The following SEC16A variants were observed in gnomAD, a reference collection of about 807,000 sequenced individuals.
SEC16A encodes the protein SEC16 homolog A, endoplasmic reticulum export factor.
In SEC16A, 110 loss-of-function variants were observed where a neutral mutation model predicts 221.9. That is an observed-to-expected ratio of 0.50 (90% CI 0.42 to 0.58). The LOEUF (loss-of-function observed/expected upper bound fraction) is 0.58, where lower values mean the gene tolerates loss of function less well. SEC16A is among the 20% of genes least tolerant of loss of function. The probability of loss-of-function intolerance (pLI) is 0.00; values close to 1 mark genes in which losing one functional copy is unlikely to be tolerated. For missense variants in SEC16A, 3,165 were observed against 3,097.8 expected (o/e 1.02, Z -0.52); for synonymous variants, 1,393 against 1,257.7 (o/e 1.11, Z -2.28).
rs771472008 is a variant in SEC16A, at chr9:136,466,228, C to T, written c.4128+36G>A. 3 of 1,582,830 alleles carry T rather than the reference C, an allele frequency of 1.9e-6. No homozygotes were observed. In the East Asian group the frequency reaches 6.8e-5, roughly 36 times the overall value. ...GCAAACAGGATGGTGGTTCTAAACA[C>T]AACCGTCCGCGTGTCTGTGAGGCGC... On this transcript the variant is annotated intron_variant, in intron 7 of 31. Transcript: ENST00000684901. This position sits in a 1 kb window ranked among gnomAD's most constrained non-coding sequence, Gnocchi z 5.5.
chr9:136,469,156 A>G (rs1290354598), intron 4 of SEC16A, among the ~76,000 whole-genome samples: 1 of 152,174 alleles, frequency 6.6e-6, no homozygotes, highest in Non-Finnish European at 1.5e-5. Flanking sequence ...GGTCTCACTG[A>G]GCCATTCAAA....
chr9:136,453,517 A>G lies in SEC16A; in HGVS notation c.6077-7T>C. 2 of 1,609,996 alleles carry G rather than the reference A, an allele frequency of 1.2e-6. No individual in the cohort carries two copies. The highest frequency in any genetic ancestry group is 1.7e-6 in the Non-Finnish European group (2 of 1,176,520). ...GCCTCCTGCGGCACTATCCCTGTCA[A>G]CGGGAAAGAGAGCAACTATGATCTC... On this transcript the variant is annotated splice_polypyrimidine_tract_variant and splice_region_variant and intron_variant, in intron 21 of 31. Transcript: ENST00000684901.
chr9:136,454,073 G>A (rs1401429156), intron 21 of SEC16A, 36 bp downstream of exon 21: 1 of 1,518,832 alleles, frequency 6.6e-7, no homozygotes, highest in Non-Finnish European at 8.9e-7. Context: ...ACCCCATGCT[G>A]CTTCTGCTCT....
In SEC16A at chr9:136,453,442, T is replaced by C; in HGVS notation, c.6145A>G (p.Lys2049Glu). The C allele has an allele frequency of 1.2e-6, 2 of 1,613,082 alleles. No individual in the cohort carries two copies. The highest frequency in any genetic ancestry group is 2.7e-5 in the African/African-American group (2 of 75,038). The change falls in exon 22 of 32, where the codon AAA becomes GAA. Residue 2049 changes from lysine (K) to glutamate (E), a missense_variant. Transcript: ENST00000684901. Reference sequence around the variant, plus strand: ...TGACAAAGTACCAGATTAGCAAATTTTCCATCAAAATTTTCTTCGCTTAGC... The same window carrying C: ...TGACAAAGTACCAGATTAGCAAATTCTCCATCAAAATTTTCTTCGCTTAGC... ...SELSEENFDGKFANLTPSRTV... is the reference protein window; with the variant it reads ...SELSEENFDGEFANLTPSRTV...
chr9:136,484,415 G>A, upstream of SEC16A: 1 of 1,197,494 alleles, frequency 8.4e-7, no homozygotes. Flanking sequence ...CGGAGGAGCC[G>A]AGGGAGGCTG....
chr9:136,472,026 G>C lies in SEC16A; in HGVS notation c.3653C>G (p.Pro1218Arg), dbSNP rs1290723127. The C allele has an allele frequency of 2.5e-6, 4 of 1,612,310 alleles. No homozygotes were observed. The East Asian group carries it at 8.9e-5, about 36-fold the overall frequency. Residue 1218 changes from proline to arginine, a missense_variant, in exon 4 of 32, where the codon CCC (proline) becomes CGC (arginine). Coordinates refer to ENST00000684901, the MANE Select transcript of SEC16A (RefSeq NM_014866.2). Reference sequence around the variant, plus strand: ...GCTGGCTCGGGAGCTGGGCCGCTCGGGCTCGGGATAGCGGTAGTTCTGGGC... The same window carrying C: ...GCTGGCTCGGGAGCTGGGCCGCTCGCGCTCGGGATAGCGGTAGTTCTGGGC... ...AYAQNYRYPE[P>R]ERPSSRASHS...
In SEC16A at chr9:136,466,548, G is replaced by T; in HGVS notation, c.3930-86C>A. ...TGCCACGCAGCTGCCCAGGAGCTGAGACCGAGACCCCTGGGGCCGAGGCAC... is the reference window on the plus strand; with the variant it reads ...TGCCACGCAGCTGCCCAGGAGCTGATACCGAGACCCCTGGGGCCGAGGCAC... On this transcript the variant is annotated intron_variant, in intron 6 of 31. Coordinates refer to ENST00000684901, the MANE Select transcript of SEC16A (RefSeq NM_014866.2). This position sits in a 1 kb window ranked among gnomAD's most constrained non-coding sequence, Gnocchi z 5.5. The T allele has an allele frequency of 2.3e-6, 3 of 1,314,492 alleles. No individual in the cohort carries two copies. The highest frequency in any genetic ancestry group is 1.5e-5 in the South Asian group (1 of 68,226). 81.4% of individuals were successfully genotyped at this position (1,314,492 alleles called of 1,614,324 possible). A position where few individuals can be genotyped will look rare whatever the true frequency, so the allele number is the denominator to read the frequency against.
At chr9:136,458,622 G>A (rs1243485934) in intron 17 of SEC16A, among the ~76,000 whole-genome samples, 18 of 138,326 alleles carry the variant, frequency 1.3e-4, no homozygotes, top group African/African-American at 4.7e-4. Context: ...AGCGAGACTC[G>A]GTCTCAAAAA....
Position 136,445,658 on chromosome 9 carries a change from GA to G in SEC16A, c.6853del (p.Ser2285ProfsTer12). 6.4e-7 allele frequency: 1 copy of G among 1,551,264 alleles called. No individual in the cohort carries two copies. Among genetic ancestry groups the G allele is most frequent in the Non-Finnish European group, 8.7e-7 (1 of 1,147,164 alleles). On this transcript the variant is annotated frameshift_variant, in exon 29 of 32. Coordinates refer to ENST00000684901, the MANE Select transcript of SEC16A (RefSeq NM_014866.2). LOFTEE classifies it high-confidence loss of function. ...GGCACTCCTTACCTCTCCTCCCTGG[GA>G]ACCCTCAGGCCTGGAGGAGGGGAGT... The part of the protein sequence containing the change: ...SELPSSRPEG[S>X]QGGELSRCSS...
chr9:136,461,034 G>A lies in SEC16A; in HGVS notation c.4991+143C>T, dbSNP rs73566964. The A allele has an allele frequency of 3.4e-4, 225 of 658,730 alleles. 2 individuals are homozygous for A. Among genetic ancestry groups the A allele is most frequent in the African/African-American group, 2.9e-3 (163 of 55,608 alleles). The allele number at this position is 658,730 out of a possible 1,614,324, so 40.8% of individuals were successfully genotyped here. The stretch of plus-strand genomic sequence containing the variant: ...CCACAACACGACCCAAGGAAGCCTC[G>A]AGGCCAAGGAAGCCCGAGTTCGTGT... On this transcript the variant is annotated intron_variant, in intron 13 of 31. Transcript: ENST00000684901.
chr9:136,483,544 G>C (rs989763962), upstream of SEC16A: 1 of 984,200 alleles, frequency 1.0e-6, no homozygotes, highest in Non-Finnish European at 1.2e-6. Flanking sequence ...TGCCCGGCCA[G>C]GCGCGCCGGG....
chr9:136,477,207 C>G lies in SEC16A; in HGVS notation c.409G>C (p.Glu137Gln), dbSNP rs999737313. 6.2e-7 allele frequency: 1 copy of G among 1,613,800 alleles called. No homozygotes were observed. Among genetic ancestry groups the G allele is most frequent in the Non-Finnish European group, 8.5e-7 (1 of 1,179,898 alleles). Reference protein sequence around the residue: ...ALTPSAPPGPEMNRSAEVGPS... With the variant: ...ALTPSAPPGPQMNRSAEVGPS... ...CCGACCTCTGCACTCCTGTTCATCT[C>G]AGGCCCAGGAGGTGCTGAAGGTGTC... is the stretch of plus-strand genomic sequence containing the variant. Residue 137 changes from glutamate to glutamine, a missense_variant, in exon 3 of 32, where the codon GAG (glutamate) becomes CAG (glutamine). Around this residue, in one of 3 missense-constraint regions of SEC16A, gnomAD observed 2,030 missense variants for 1,923.1 expected, o/e 1.06. Transcript: ENST00000684901.
chr9:136,472,217 C>T, intron 3 of SEC16A, 106 bp from the exon 4 acceptor site: 2 of 1,352,336 alleles, frequency 1.5e-6, no homozygotes, highest in Non-Finnish European at 1.0e-6. Context: ...GCATTAGATA[C>T]CTACCAAGAG....
chr9:136,459,706 C>T lies in SEC16A; in HGVS notation c.5191+51G>A. 5 of 1,485,040 alleles carry T rather than the reference C, an allele frequency of 3.4e-6. No homozygotes were observed. Among genetic ancestry groups the T allele is most frequent in the South Asian group, 1.2e-5 (1 of 83,742 alleles). The allele number at this position is 1,485,040 out of a possible 1,614,324, so 92.0% of individuals were successfully genotyped here. A position where few individuals can be genotyped will look rare whatever the true frequency, so the allele number is the denominator to read the frequency against. On this transcript the variant is annotated intron_variant, in intron 15 of 31. Coordinates refer to ENST00000684901, the MANE Select transcript of SEC16A (RefSeq NM_014866.2). The surrounding 1 kb of genome is among the most constrained non-coding windows in gnomAD (Gnocchi z 6.1). ...CTGCCAACGCCACAGACAACCGGGC[C>T]TTCGGCGCTCCATCCGCGACACCCA...
chr9:136,442,178 G>A (rs1564446390), intron 31 of SEC16A, among the ~76,000 whole-genome samples: 3 of 152,238 alleles, frequency 2.0e-5, no homozygotes, highest in African/African-American at 4.8e-5. Context: ...CATGGGACGC[G>A]GGGACCTCAG....
chr9:136,452,229 A>G (rs550640126), intron 22 of SEC16A, among the ~76,000 whole-genome samples: 144 of 151,352 alleles, frequency 9.5e-4, no homozygotes, highest in Non-Finnish European at 1.8e-3. Context: ...CAGGTGGATC[A>G]TGAGGTCAGG....
chr9:136,481,547 GCCTTGTAA>G (rs1842365326), intron 1 of SEC16A, among the ~76,000 whole-genome samples: 1 of 152,204 alleles, frequency 6.6e-6, no homozygotes, highest in Admixed American at 6.5e-5. Flanking sequence ...CAGTTAAACT[GCCTTGTAA>G]CCATGTGGAT....
chr9:136,454,087 G>A, intron 21 of SEC16A, 22 bp downstream of exon 21: 1 of 1,542,168 alleles, frequency 6.5e-7, no homozygotes, highest in Middle Eastern at 2.2e-4. Context: ...CTGCTCTCGA[G>A]ACAGCATCTC....
intron 31 of SEC16A, 126 bp from the exon 32 acceptor site, chr9:136,441,949 G>A: frequency 1.2e-6 from 1 of 810,192 alleles, no homozygotes; most frequent in Non-Finnish European, 2.0e-6. Context: ...ACAAGCTGAA[G>A]GCTTCGTTTT....
Sources: gnomAD v4.1 joint callset for allele counts (sites outside exome capture counted in the v4.1 genomes callset) on GRCh38, gnomAD v4.1.1 for gene constraint, gnomAD v4.1.1 regional missense constraint, Gnocchi (gnomAD v3.1) non-coding constraint, MANE v1.5 for transcripts, NCBI Gene and HGNC (gene_info 2026-07-23, HGNC 2026-07-21) for gene names.